Variants in DNMT3B observed in about 807,000 individuals in gnomAD.
DNMT3B encodes the protein DNA methyltransferase 3 beta.
In DNMT3B, 37 loss-of-function variants were observed where a neutral mutation model predicts 120.2. That is an observed-to-expected ratio of 0.31 (90% CI 0.24 to 0.40). The LOEUF (loss-of-function observed/expected upper bound fraction) is 0.40, where lower values mean the gene tolerates loss of function less well. Ranked by LOEUF, DNMT3B falls within the 10% of genes least tolerant of loss-of-function variation. DNMT3B has a pLI of 1.00. For synonymous variants in DNMT3B, 412 were observed against 442.8 expected (o/e 0.93, Z 0.87); for missense variants, 878 against 1,137.3 (o/e 0.77, Z 3.28).
intron 1 of DNMT3B, among the ~76,000 whole-genome samples, chr20:32,767,155 C>G (rs1987425455): frequency 6.6e-6 from 1 of 152,138 alleles, no homozygotes; most frequent in Non-Finnish European, 1.5e-5. Context: ...GCCTCCCTCC[C>G]AAAGTGCTGG....
At chr20:32,785,320 G>T (rs534967873) in intron 4 of DNMT3B, among the ~76,000 whole-genome samples, 2 of 152,200 alleles carry the variant, frequency 1.3e-5, no homozygotes, top group Non-Finnish European at 2.9e-5. Flanking sequence ...GATTTCAGGT[G>T]TGAGCCACTG....
At chr20:32,764,865 G>A (rs893281711) in intron 1 of DNMT3B, among the ~76,000 whole-genome samples, 9 of 152,180 alleles carry the variant, frequency 5.9e-5, no homozygotes, top group African/African-American at 2.2e-4. Context: ...AGGAGCAAGG[G>A]AGGTGGGGTT....
chr20:32,770,987 C>A (rs1259345835), intron 1 of DNMT3B, among the ~76,000 whole-genome samples: 2 of 152,086 alleles, frequency 1.3e-5, no homozygotes, highest in Non-Finnish European at 2.9e-5. Context: ...TCAAGCAATC[C>A]TCCTGCCTAG....
At chr20:32,803,497 T>C (rs977304654) in intron 20 of DNMT3B, among the ~76,000 whole-genome samples, 3 of 152,224 alleles carry the variant, frequency 2.0e-5, no homozygotes, top group Non-Finnish European at 4.4e-5. Context: ...AATGGGTTAA[T>C]GCTTTCAACA....
At chr20:32,767,461 G>A (rs928244507) in intron 1 of DNMT3B, among the ~76,000 whole-genome samples, 2 of 151,406 alleles carry the variant, frequency 1.3e-5, no homozygotes, top group African/African-American at 4.9e-5. Flanking sequence ...GACAAGTCTC[G>A]CATTGTCACC....
intron 1 of DNMT3B, among the ~76,000 whole-genome samples, chr20:32,776,151 C>T (rs1988060056): frequency 6.6e-6 from 1 of 151,946 alleles, no homozygotes; most frequent in Non-Finnish European, 1.5e-5. Context: ...ATCGCTTGAA[C>T]CCGGGAGGTG....
chr20:32,763,465 T>A (rs1346816227), intron 1 of DNMT3B, among the ~76,000 whole-genome samples: 2 of 152,194 alleles, frequency 1.3e-5, no homozygotes, highest in African/African-American at 2.4e-5. Flanking sequence ...CCGCCTACCC[T>A]GGGGTCTTAC....
At chr20:32,780,161 T>TG (rs1345736007) in intron 1 of DNMT3B, 157 bp from the exon 2 acceptor site, 2 of 1,613,332 alleles carry the variant, frequency 1.2e-6, no homozygotes, top group Non-Finnish European at 1.7e-6. Flanking sequence ...GGGGAGGCTA[T>TG]GGGGGGCAGC....
At chr20:32,799,461 C>T in intron 16 of DNMT3B, 133 bp downstream of exon 16, 2 of 976,152 alleles carry the variant, frequency 2.0e-6, no homozygotes, top group East Asian at 5.2e-5. Flanking sequence ...CTGAAAAAAA[C>T]CCTGTCTCCT....
At chr20:32,793,309 T>C (rs74598203) in intron 9 of DNMT3B, among the ~76,000 whole-genome samples, 1,763 of 151,464 alleles carry the variant, frequency 0.012, 31 homozygotes, top group African/African-American at 0.041. Flanking sequence ...TGGTGAAAAA[T>C]AGAAAAATTA....
Position 32,762,666 on chromosome 20 carries a change from C to T in DNMT3B, c.-40C>T. On this transcript the variant is annotated 5_prime_UTR_variant, in exon 1 of 23. Coordinates refer to ENST00000328111, the MANE Select transcript of DNMT3B (RefSeq NM_006892.4). ...CAGCCAGCCCCGACCCGCGGCTCCG[C>T]CGCCCAGCCGCGCCCCAGCCAGCCC... The T allele has an allele frequency of 4.8e-6, 1 of 209,602 alleles. No individual in the cohort carries two copies. The highest frequency in any genetic ancestry group is 9.5e-6 in the Non-Finnish European group (1 of 105,582). 13.0% of individuals were successfully genotyped at this position (209,602 alleles called of 1,614,324 possible). A position where few individuals can be genotyped will look rare whatever the true frequency, so the allele number is the denominator to read the frequency against.
Position 32,798,490 on chromosome 20 carries a change from G to T in DNMT3B, c.1521G>T (p.Leu507=), listed in dbSNP as rs1383477396. The change falls in exon 15 of 23, where the codon CTG becomes CTT. Residue 507 remains leucine (L), a synonymous_variant. Transcript: ENST00000328111. The part of the protein sequence containing the change: ...RCFCVECLEV[L]VGTGTAAEAK... ...TCTGTGTGGAGTGCCTGGAGGTGCT[G>T]GTGGGCACAGGCACAGCGGCCGAGG... The T allele has an allele frequency of 6.2e-7, 1 of 1,614,102 alleles. No homozygotes were observed. Among genetic ancestry groups the T allele is most frequent in the Non-Finnish European group, 8.5e-7 (1 of 1,180,054 alleles).
chr20:32,783,049 G>A lies in DNMT3B; in HGVS notation c.204+1635G>A, dbSNP rs188014077. On this transcript the variant is annotated intron_variant, in intron 3 of 22. Coordinates refer to ENST00000328111, the MANE Select transcript of DNMT3B (RefSeq NM_006892.4). Reference sequence around the variant, plus strand: ...AGCGATTCCCCTGCCTCAGGCTCCCGAGTAGCTGGGACTACAGGCAATGGA... The same window carrying A: ...AGCGATTCCCCTGCCTCAGGCTCCCAAGTAGCTGGGACTACAGGCAATGGA... 4.5e-4 allele frequency among the ~76,000 whole-genome samples: 69 copies of A among 152,050 alleles called. No individual in the cohort carries two copies. In the South Asian group the frequency reaches 5.8e-3, roughly 13 times the overall value.
rs933060486 is a variant in DNMT3B at position 32,763,280 on chromosome 20, A to T, written c.-7+581A>T. On this transcript the variant is annotated intron_variant, in intron 1 of 22. Coordinates refer to ENST00000328111, the MANE Select transcript of DNMT3B (RefSeq NM_006892.4). ...GGAAAGAGCTCGTGAGTGTGGGCTT[A>T]GACTCGCGCGGGCTGGGGTGTGCGC... Among the ~76,000 whole-genome samples, 3 of 152,146 alleles carry T rather than the reference A, an allele frequency of 2.0e-5. No homozygotes were observed. In the South Asian group the frequency reaches 6.2e-4, roughly 31 times the overall value.
At chr20:32,780,594 C>G (rs534189689) in intron 2 of DNMT3B, 129 bp downstream of exon 2, 1 of 1,444,784 alleles carries the variant, frequency 6.9e-7, no homozygotes, top group South Asian at 1.3e-5. Flanking sequence ...GAAGAGAGCT[C>G]TAGCAAGGAG....
chr20:32,800,815 ACTCTGT>A lies in DNMT3B; in HGVS notation c.1906-15_1906-10del. ...TCCCTCTGTCCACACCCTCATCCTGACTCTGTCTCTCTCTTTCAGATTGAAGAATGG... is the reference window on the plus strand; with the variant it reads ...TCCCTCTGTCCACACCCTCATCCTGACTCTCTCTTTCAGATTGAAGAATGG... On this transcript the variant is annotated splice_polypyrimidine_tract_variant and intron_variant, in intron 17 of 22. Coordinates refer to ENST00000328111, the MANE Select transcript of DNMT3B (RefSeq NM_006892.4). 5.0e-6 allele frequency: 8 copies of A among 1,612,704 alleles called. No homozygotes were observed. The highest frequency in any genetic ancestry group is 6.8e-6 in the Non-Finnish European group (8 of 1,178,944).
chr20:32,780,410 C>A lies in DNMT3B; in HGVS notation c.87C>A (p.Asp29Glu). The A allele has an allele frequency of 6.2e-7, 1 of 1,613,872 alleles. No individual in the cohort carries two copies. Among genetic ancestry groups the A allele is most frequent in the Non-Finnish European group, 8.5e-7 (1 of 1,180,004 alleles). ...TCCTCGTCAACGGGGCCTGCAGCGA[C>A]CAGTCCTCCGACTCGCCCCCAATCC... ...DSILVNGACS[D>E]QSSDSPPILE... is the part of the protein sequence containing the mutation. The change falls in exon 2 of 23, where the codon GAC becomes GAA. Residue 29 changes from aspartate to glutamate, a missense_variant. Physicochemically the swap from Asp to Glu is conservative, Grantham distance 45. Coordinates refer to ENST00000328111, the MANE Select transcript of DNMT3B (RefSeq NM_006892.4).
rs963713638 is a variant in DNMT3B at position 32,802,299 on chromosome 20, G to A, written c.2146-86G>A. 3.5e-6 allele frequency: 5 copies of A among 1,412,120 alleles called. No individual in the cohort carries two copies. The Admixed American group carries it at 5.0e-5, about 14-fold the overall frequency. The allele number at this position is 1,412,120 out of a possible 1,614,324, so 87.5% of individuals were successfully genotyped here. ...GGATCCGTGCCTCATCCATAGTCAGGGAATAGCCCTGTCACCTGCAAAGGT... is the reference window on the plus strand; with the variant it reads ...GGATCCGTGCCTCATCCATAGTCAGAGAATAGCCCTGTCACCTGCAAAGGT... On this transcript the variant is annotated intron_variant, in intron 19 of 22. Coordinates refer to ENST00000328111, the MANE Select transcript of DNMT3B (RefSeq NM_006892.4).
rs771223602 is a variant in DNMT3B, at chr20:32,798,578, C to A, written c.1609C>A (p.Arg537=). 1.2e-6 allele frequency: 2 copies of A among 1,614,232 alleles called. No individual in the cohort carries two copies. Among genetic ancestry groups the A allele is most frequent in the African/African-American group, 1.3e-5 (1 of 75,072 alleles). Residue 537 remains arginine, a synonymous_variant, in exon 15 of 23, where the codon CGG becomes AGG. Transcript: ENST00000328111. ...CCCGCAGCGCTGTCATGGCGTCCTG[C>A]GGCGCCGGAAGGACTGGAACGTGCG... The part of the protein sequence containing the change: ...CLPQRCHGVL[R]RRKDWNVRLQ...
Sources: gnomAD v4.1 joint callset for allele counts (sites outside exome capture counted in the v4.1 genomes callset) on GRCh38, gnomAD v4.1.1 for gene constraint, MANE v1.5 for transcripts, NCBI Gene and HGNC (gene_info 2026-07-23, HGNC 2026-07-21) for gene names.